Variants in KDM1B observed in about 807,000 individuals in gnomAD.
KDM1B encodes the protein lysine-specific histone demethylase 2.
Under a neutral mutation model 107.4 loss-of-function variants are expected in KDM1B, and 63 were observed. The ratio of observed to expected loss-of-function variants is 0.59; its 90% CI spans 0.48 to 0.72. KDM1B has a LOEUF of 0.72. Ranked by LOEUF, KDM1B falls within the 30% of genes least tolerant of loss-of-function variation. The probability of loss-of-function intolerance (pLI) is 0.00; values close to 1 mark genes in which losing one functional copy is unlikely to be tolerated. For synonymous variants in KDM1B, 363 were observed against 363.9 expected (o/e 1.00, Z 0.03); for missense variants, 749 against 1,020.8 (o/e 0.73, Z 3.63).
chr6:18,208,847 G>C (rs1788612749), intron 17 of KDM1B, among the ~76,000 whole-genome samples: 1 of 148,788 alleles, frequency 6.7e-6, no homozygotes, highest in Admixed American at 6.7e-5. Flanking sequence ...GTAGAGATGG[G>C]GTTTCACCCT....
At chr6:18,221,657 T>C (rs548873432) in intron 21 of KDM1B, among the ~76,000 whole-genome samples, 1 of 152,352 alleles carries the variant, frequency 6.6e-6, no homozygotes, top group African/African-American at 2.4e-5. Context: ...TTAACTCTAG[T>C]ACCTATCACA....
chr6:18,184,273 C>CTTTTTTTTTTTTTTTTTTTTTT (rs1163110910), intron 7 of KDM1B, among the ~76,000 whole-genome samples: 2 of 116,672 alleles, frequency 1.7e-5, no homozygotes, highest in Admixed American at 2.0e-4. Context: ...GTTCTAGCTT[C>CTTTTTTTTTTTTTTTTTTTTTT]TTTTTTTTTT....
At position 18,191,693 on chromosome 6, in the gene KDM1B, G is replaced by A. The variant is rs899238773; in HGVS notation, c.969+312G>A. Among the ~76,000 whole-genome samples the A allele has an allele frequency of 3.3e-5, 5 of 152,136 alleles. No individual in the cohort carries two copies. The South Asian group carries it at 1.0e-3, about 31-fold the overall frequency. On this transcript the variant is annotated intron_variant, in intron 10 of 21. Transcript: ENST00000650836. This position sits in a 1 kb window ranked among gnomAD's most constrained non-coding sequence, Gnocchi z 5.1. ...AAACCACCACTTTAGACCACACATA[G>A]TCAGAATGCTGACTCTCCAGTGGTG...
chr6:18,218,320 G>A (rs543609044), intron 21 of KDM1B, among the ~76,000 whole-genome samples: 28 of 151,894 alleles, frequency 1.8e-4, no homozygotes, highest in African/African-American at 6.0e-4. Flanking sequence ...GACGGGGTCC[G>A]CAGTGTTGCC....
At chr6:18,220,062 A>G (rs1789562111) in intron 21 of KDM1B, among the ~76,000 whole-genome samples, 1 of 152,160 alleles carries the variant, frequency 6.6e-6, no homozygotes, top group African/African-American at 2.4e-5. Flanking sequence ...ATGGTTCCTC[A>G]TACTTCCAAT....
At chr6:18,181,685 G>A (rs1786489690) in intron 7 of KDM1B, among the ~76,000 whole-genome samples, 1 of 152,148 alleles carries the variant, frequency 6.6e-6, no homozygotes, top group Non-Finnish European at 1.5e-5. Flanking sequence ...GGTCAAGGCT[G>A]CAGTGAGCCA....
At chr6:18,168,800 A>G (rs1447804522) in intron 6 of KDM1B, among the ~76,000 whole-genome samples, 2 of 151,992 alleles carry the variant, frequency 1.3e-5, no homozygotes, top group Non-Finnish European at 2.9e-5. Context: ...GACTAATGCA[A>G]CCTTTCGTAT....
At chr6:18,181,567 G>A (rs182590417) in intron 7 of KDM1B, among the ~76,000 whole-genome samples, 3 of 152,136 alleles carry the variant, frequency 2.0e-5, no homozygotes, top group South Asian at 2.1e-4. Context: ...GCAACATGAC[G>A]AGACCCTGTC....
intron 14 of KDM1B, among the ~76,000 whole-genome samples, chr6:18,202,990 G>T (rs772540452): frequency 6.6e-6 from 1 of 152,312 alleles, no homozygotes; most frequent in Non-Finnish European, 1.5e-5. Context: ...TTAGGCTGAC[G>T]TGCAGGATAT....
intron 6 of KDM1B, among the ~76,000 whole-genome samples, chr6:18,168,618 T>C (rs1218827608): frequency 6.6e-6 from 1 of 152,240 alleles, no homozygotes; most frequent in East Asian, 1.9e-4. Context: ...TTCTTGGGTA[T>C]GTACCTAGAA....
In KDM1B at chr6:18,213,621, G is replaced by A; in HGVS notation, c.1984-35G>A. Reference sequence around the variant, plus strand: ...TATTGCCTGTGGTTTTGTGACGACAGACACCTAACCACCTTTCTTCTGCTC... The same window carrying A: ...TATTGCCTGTGGTTTTGTGACGACAAACACCTAACCACCTTTCTTCTGCTC... On this transcript the variant is annotated intron_variant, in intron 18 of 21. Coordinates refer to ENST00000650836, the MANE Select transcript of KDM1B (RefSeq NM_001364614.2). The surrounding 1 kb of genome is among the most constrained non-coding windows in gnomAD (Gnocchi z 5.9). 1 of 1,612,080 alleles carries A rather than the reference G, an allele frequency of 6.2e-7. No homozygotes were observed. Among genetic ancestry groups the A allele is most frequent in the Non-Finnish European group, 8.5e-7 (1 of 1,178,436 alleles).
intron 8 of KDM1B, among the ~76,000 whole-genome samples, 180 bp from the exon 9 acceptor site, chr6:18,187,612 C>G (rs547904892): frequency 6.6e-4 from 101 of 152,228 alleles, no homozygotes; most frequent in Middle Eastern, 3.4e-3. Flanking sequence ...GTTATCAGCC[C>G]ATTTTTGTTT....
chr6:18,166,613 G>A (rs1477649908), intron 6 of KDM1B, among the ~76,000 whole-genome samples: 2 of 152,184 alleles, frequency 1.3e-5, no homozygotes, highest in Non-Finnish European at 2.9e-5. Context: ...GGTAGGCTGA[G>A]GTGGGAAGAC....
At chr6:18,192,296 A>AT (rs905515551) in intron 10 of KDM1B, among the ~76,000 whole-genome samples, 1 of 152,244 alleles carries the variant, frequency 6.6e-6, no homozygotes, top group African/African-American at 2.4e-5. Flanking sequence ...TGACCCTAGC[A>AT]TTTTTCTGAT....
chr6:18,223,530 G>T lies in KDM1B; in HGVS notation c.*1538G>T, dbSNP rs1789954528. ...CAGCATGTGTTTTAAAGTGATAAAT[G>T]CAAAATGTTAAGTTTGAAATGGTTA... On this transcript the variant is annotated 3_prime_UTR_variant, in exon 22 of 22. Coordinates refer to ENST00000650836, the MANE Select transcript of KDM1B (RefSeq NM_001364614.2). 6.6e-6 allele frequency: 1 copy of T among 152,112 alleles called. No individual in the cohort carries two copies. Among genetic ancestry groups the T allele is most frequent in the Non-Finnish European group, 1.5e-5 (1 of 68,014 alleles). 9.4% of individuals were successfully genotyped at this position (152,112 alleles called of 1,614,324 possible). A position where few individuals can be genotyped will look rare whatever the true frequency, so the allele number is the denominator to read the frequency against.
At chr6:18,181,247 G>T (rs772795334) in intron 7 of KDM1B, among the ~76,000 whole-genome samples, 46 of 152,254 alleles carry the variant, frequency 3.0e-4, no homozygotes, top group African/African-American at 7.7e-4. Context: ...GTGTACCTCT[G>T]TGTGTATACA....
At chr6:18,176,511 T>C (rs1384915619) in intron 7 of KDM1B, among the ~76,000 whole-genome samples, 1 of 152,102 alleles carries the variant, frequency 6.6e-6, no homozygotes, top group Admixed American at 6.6e-5. Context: ...AGTGGTGAGA[T>C]TGGGCATCCT....
intron 20 of KDM1B, among the ~76,000 whole-genome samples, chr6:18,216,121 C>T (rs997289587): frequency 2.0e-5 from 3 of 152,098 alleles, no homozygotes; most frequent in Non-Finnish European, 4.4e-5. Context: ...ACTCTTTCGC[C>T]CAGGCTGGAG....
At chr6:18,189,884 A>C (rs1429524504) in intron 9 of KDM1B, among the ~76,000 whole-genome samples, 5 of 151,872 alleles carry the variant, frequency 3.3e-5, no homozygotes, top group Admixed American at 1.3e-4. Flanking sequence ...AGTGGCTCAC[A>C]CCTGTAATCC....
Sources: gnomAD v4.1 joint callset for allele counts (sites outside exome capture counted in the v4.1 genomes callset) on GRCh38, gnomAD v4.1.1 for gene constraint, Gnocchi (gnomAD v3.1) non-coding constraint, MANE v1.5 for transcripts, NCBI Gene and HGNC (gene_info 2026-07-23, HGNC 2026-07-21) for gene names.